RASGRP3: variants seen among roughly 807,000 people sequenced by gnomAD.
RASGRP3 encodes the protein ras guanyl-releasing protein 3.
Under a neutral mutation model 82.7 loss-of-function variants are expected in RASGRP3, and 54 were observed. The ratio of observed to expected loss-of-function variants is 0.65; its 90% CI spans 0.52 to 0.82. RASGRP3 has a LOEUF of 0.82. Among genes scored for constraint, RASGRP3 ranks in the 40% least tolerant of loss-of-function variants. The probability of loss-of-function intolerance (pLI) is 0.00; values close to 1 mark genes in which losing one functional copy is unlikely to be tolerated. For synonymous variants in RASGRP3, 309 were observed against 300.5 expected (o/e 1.03, Z -0.29); for missense variants, 861 against 828.9 (o/e 1.04, Z -0.48).
chr2:33,560,516 C>G (rs1676529361), intron 17 of RASGRP3, among the ~76,000 whole-genome samples: 1 of 152,216 alleles, frequency 6.6e-6, no homozygotes, highest in Non-Finnish European at 1.5e-5. Flanking sequence ...CATATGGTCA[C>G]TTCTGGGAAG....
rs181829664 is a variant in RASGRP3 at position 33,470,483 on chromosome 2, C to T, written c.-261+22540C>T. 5.9e-3 allele frequency among the ~76,000 whole-genome samples: 889 copies of T among 151,660 alleles called. 8 individuals are homozygous for T. The highest frequency in any genetic ancestry group is 0.051 in the Middle Eastern group (15 of 294). ...CAAGCTCCGCCTGACGGGTTCACGC[C>T]ATTTTCCTGCCTCAGCCTCCCGAGT... On this transcript the variant is annotated intron_variant, in intron 2 of 18. Coordinates refer to the RASGRP3 transcript ENST00000402538.
rs544289667 is a variant in RASGRP3 at position 33,559,665 on chromosome 2, A to G, written c.2064+635A>G. 3.5e-5 allele frequency: 18 copies of G among 517,438 alleles called. No homozygotes were observed. In the East Asian group the frequency reaches 9.3e-4, roughly 27 times the overall value. The allele number at this position is 517,438 out of a possible 1,614,324, so 32.1% of individuals were successfully genotyped here. On this transcript the variant is annotated intron_variant, in intron 17 of 17. Transcript: ENST00000403687. The stretch of plus-strand genomic sequence containing the variant: ...ATAAATTTATTAGTTAACAGTCTAT[A>G]GTGTATTAAGAGAAAGGATTTGAGA...
intron 1 of RASGRP3, among the ~76,000 whole-genome samples, chr2:33,487,215 A>T (rs1027551545): frequency 6.6e-6 from 1 of 152,200 alleles, no homozygotes; most frequent in Non-Finnish European, 1.5e-5. Flanking sequence ...AATTAATAAT[A>T]ATTCTTAACT....
intron 1 of RASGRP3, among the ~76,000 whole-genome samples, chr2:33,500,593 G>T (rs1174717772): frequency 6.6e-6 from 1 of 152,104 alleles, no homozygotes; most frequent in African/African-American, 2.4e-5. Flanking sequence ...TGGGAGGCAG[G>T]TTGAGCCATA....
At chr2:33,502,483 CTCTTTCTTTTTT>C (rs1331497397) in intron 1 of RASGRP3, among the ~76,000 whole-genome samples, 5 of 149,508 alleles carry the variant, frequency 3.3e-5, no homozygotes, top group Non-Finnish European at 5.9e-5. Context: ...TTTTAACTGT[CTCTTTCTTTTTT>C]TCTTTCTTTT....
intron 2 of RASGRP3, among the ~76,000 whole-genome samples, chr2:33,465,155 C>G (rs1254991000): frequency 6.6e-6 from 1 of 152,176 alleles, no homozygotes; most frequent in Non-Finnish European, 1.5e-5. Flanking sequence ...AAGTGCTACT[C>G]CAATGAATAC....
At chr2:33,547,955 A>G (rs1194084023) in intron 13 of RASGRP3, among the ~76,000 whole-genome samples, 1 of 152,176 alleles carries the variant, frequency 6.6e-6, no homozygotes, top group African/African-American at 2.4e-5. Context: ...GCCACTGAGG[A>G]TGTTCTTGGT....
chr2:33,523,830 T>C, intron 7 of RASGRP3, 49 bp from the exon 8 acceptor site: 1 of 1,481,718 alleles, frequency 6.7e-7, no homozygotes, highest in South Asian at 1.4e-5. Flanking sequence ...ATTTTTGATT[T>C]TACAAAGGCT....
intron 12 of RASGRP3, among the ~76,000 whole-genome samples, chr2:33,540,615 TTCTC>T (rs72384480): frequency 0.4 from 48,075 of 121,668 alleles, 12,691 homozygotes; most frequent in Middle Eastern, 0.57. Context: ...TCTGGGGAAT[TTCTC>T]TCTCTCTCTC....
chr2:33,495,412 C>A (rs1013171037), intron 1 of RASGRP3, among the ~76,000 whole-genome samples: 1 of 152,162 alleles, frequency 6.6e-6, no homozygotes, highest in Non-Finnish European at 1.5e-5. Context: ...GAATCTAACG[C>A]CGCAGCTCAT....
intron 7 of RASGRP3, among the ~76,000 whole-genome samples, chr2:33,523,320 C>G (rs1475644213): frequency 6.6e-6 from 1 of 152,022 alleles, no homozygotes; most frequent in Non-Finnish European, 1.5e-5. Context: ...AAAAATTTAG[C>G]CAGGTGTGGC....
At chr2:33,537,334 A>C (rs868135452) in intron 11 of RASGRP3, among the ~76,000 whole-genome samples, 1,303 of 90,302 alleles carry the variant, frequency 0.014, 20 homozygotes, top group African/African-American at 0.025. Context: ...CCCCCCCCAC[A>C]CACACACACA....
At chr2:33,552,788 G>T (rs1675496507) in intron 14 of RASGRP3, among the ~76,000 whole-genome samples, 1 of 152,242 alleles carries the variant, frequency 6.6e-6, no homozygotes, top group South Asian at 2.1e-4. Flanking sequence ...GAGAAGTTAA[G>T]TGACTTCCCC....
chr2:33,536,975 G>A (rs987950198), intron 11 of RASGRP3, among the ~76,000 whole-genome samples: 5 of 152,092 alleles, frequency 3.3e-5, no homozygotes, highest in African/African-American at 4.8e-5. Context: ...CCAGCTCAGT[G>A]GAGAGTCAGG....
At chr2:33,447,221 G>A (rs901701205) in intron 1 of RASGRP3, among the ~76,000 whole-genome samples, 2 of 152,034 alleles carry the variant, frequency 1.3e-5, no homozygotes, top group Non-Finnish European at 2.9e-5. Flanking sequence ...TCACAAAACA[G>A]TGAGAATCAG....
At chr2:33,493,396 G>A (rs1275666259) in intron 1 of RASGRP3, among the ~76,000 whole-genome samples, 1 of 152,214 alleles carries the variant, frequency 6.6e-6, no homozygotes, top group Non-Finnish European at 1.5e-5. Context: ...GTCCCTAGTG[G>A]TGCTGTCAGA....
intron 2 of RASGRP3, among the ~76,000 whole-genome samples, chr2:33,469,743 G>A (rs1666947071): frequency 6.6e-6 from 1 of 152,176 alleles, no homozygotes; most frequent in South Asian, 2.1e-4. Context: ...TTACAGGCAT[G>A]AGCCACCGTG....
intron 15 of RASGRP3, among the ~76,000 whole-genome samples, chr2:33,557,448 G>A (rs1245344607): frequency 2.0e-5 from 3 of 152,136 alleles, no homozygotes; most frequent in Non-Finnish European, 4.4e-5. Context: ...GGTGGCTCAC[G>A]CCTGTAATCC....
At chr2:33,442,053 T>C (rs563927096) in intron 1 of RASGRP3, among the ~76,000 whole-genome samples, 1 of 152,310 alleles carries the variant, frequency 6.6e-6, no homozygotes, top group South Asian at 2.1e-4. Context: ...GTAAGAAGTC[T>C]ACAAAATTAT....
Sources: gnomAD v4.1 joint callset for allele counts (sites outside exome capture counted in the v4.1 genomes callset) on GRCh38, gnomAD v4.1.1 for gene constraint, MANE v1.5 for transcripts, NCBI Gene and HGNC (gene_info 2026-07-23, HGNC 2026-07-21) for gene names.